The following DDR2 variants were observed in gnomAD, a reference collection of about 807,000 sequenced individuals.
DDR2 encodes discoidin domain-containing receptor 2.
A neutral mutation model predicts 94.9 loss-of-function variants in DDR2; 27 were observed. The ratio of observed to expected loss-of-function variants is 0.28; its 90% CI spans 0.21 to 0.39. The LOEUF (loss-of-function observed/expected upper bound fraction) is 0.39. Among genes scored for constraint, DDR2 ranks in the 10% least tolerant of loss-of-function variants. The pLI, the probability that DDR2 is intolerant of heterozygous loss-of-function variation, is 1.00. For missense variants in DDR2, 783 were observed against 1,076.0 expected, an observed-to-expected ratio of 0.73 and a Z score of 3.81; for synonymous variants, 382 against 377.2, an observed-to-expected ratio of 1.01 and a Z score of -0.15.
chr1:162,654,788 A>G (rs1156913946), intron 1 of DDR2, among the ~76,000 whole-genome samples: 1 of 152,184 alleles, frequency 6.6e-6, no homozygotes, highest in East Asian at 1.9e-4. Flanking sequence ...GTGCCATTGC[A>G]GCACATTGAA....
intron 2 of DDR2, among the ~76,000 whole-genome samples, chr1:162,683,543 A>C (rs4657227): frequency 6.6e-6 from 1 of 151,922 alleles, no homozygotes; most frequent in Non-Finnish European, 1.5e-5. Flanking sequence ...CATACCTATA[A>C]TGAACATGCT....
chr1:162,670,604 A>G (rs1658784350), intron 2 of DDR2, among the ~76,000 whole-genome samples: 1 of 152,240 alleles, frequency 6.6e-6, no homozygotes, highest in Admixed American at 6.5e-5. Context: ...AGCCATGACA[A>G]CAATGATAAA....
In DDR2 at chr1:162,714,421, C is replaced by CTCT. The variant is rs141790645; in HGVS notation, c.-27-4614_-27-4613insTTC. Among the ~76,000 whole-genome samples, 1,160 of 152,088 alleles carry CTCT rather than the reference C, an allele frequency of 7.6e-3. 19 individuals carry two copies. The highest frequency in any genetic ancestry group is 0.035 in the East Asian group (179 of 5,172). ...TATGGTTCCATCTTTACATTTTGGG[C>CTCT]TCATTTTTGTGAGGTGTAGATATAC... On this transcript the variant is annotated intron_variant, in intron 2 of 17. Coordinates refer to ENST00000367921, the MANE Select transcript of DDR2 (RefSeq NM_006182.4).
At chr1:162,688,003 C>T (rs1381891666) in intron 2 of DDR2, among the ~76,000 whole-genome samples, 1 of 152,166 alleles carries the variant, frequency 6.6e-6, no homozygotes, top group Non-Finnish European at 1.5e-5. Flanking sequence ...CAGGCTGACT[C>T]AGTCCAAAGG....
At position 162,780,464 on chromosome 1, in the gene DDR2, A is replaced by T; in HGVS notation, c.*218A>T. On this transcript the variant is annotated 3_prime_UTR_variant, in exon 18 of 18. Transcript: ENST00000367921. ...TAAAGAACTAAAAAAGGAAAAAAAA[A>T]AGCCTAGGGCAGATACAATCTAGTA... 1.7e-6 allele frequency: 1 copy of T among 604,802 alleles called. No individual in the cohort carries two copies. The highest frequency in any genetic ancestry group is 2.8e-6 in the Non-Finnish European group (1 of 359,870). 37.5% of individuals were successfully genotyped at this position (604,802 alleles called of 1,614,324 possible).
chr1:162,726,710 C>T (rs1661685077), intron 3 of DDR2, among the ~76,000 whole-genome samples: 1 of 152,118 alleles, frequency 6.6e-6, no homozygotes, highest in Non-Finnish European at 1.5e-5. Flanking sequence ...TCACAACCAC[C>T]TGCAGAGCTC....
intron 3 of DDR2, among the ~76,000 whole-genome samples, chr1:162,721,503 T>G (rs547013233): frequency 6.6e-6 from 1 of 152,348 alleles, no homozygotes; most frequent in South Asian, 2.1e-4. Context: ...TGAGACATTT[T>G]CATTCATTAT....
rs1663783050 is a variant in DDR2 at position 162,762,275 on chromosome 1, T to C, written c.1099+821T>C. ...TCATTTTACTTGAGCTTCTGTTCTC[T>C]GTCATTCCTAATGACTGGTGCTTAC... On this transcript the variant is annotated intron_variant, in intron 9 of 17. Transcript: ENST00000367921. Among the ~76,000 whole-genome samples, 3 of 152,264 alleles carry C rather than the reference T, an allele frequency of 2.0e-5. No homozygotes were observed. In the South Asian group the frequency reaches 6.2e-4, roughly 31 times the overall value.
In DDR2 at chr1:162,677,808, T is replaced by C. The variant is rs116802532; in HGVS notation, c.-28+22434T>C. On this transcript the variant is annotated intron_variant, in intron 2 of 17. Coordinates refer to ENST00000367921, the MANE Select transcript of DDR2 (RefSeq NM_006182.4). ...GAAGTTATTCTACTTTCTAAACCAC[T>C]TCCCCACCTGCTGGATATGAATGTA... Among the ~76,000 whole-genome samples the C allele has an allele frequency of 3.4e-3, 523 of 152,318 alleles. 1 individual carries two copies. The highest frequency in any genetic ancestry group is 5.7e-3 in the Non-Finnish European group (385 of 68,020).
chr1:162,699,003 T>C (rs1321460418), intron 2 of DDR2, among the ~76,000 whole-genome samples: 1 of 152,214 alleles, frequency 6.6e-6, no homozygotes, highest in East Asian at 1.9e-4. Context: ...AAAATTGGGA[T>C]TGTCTATACT....
chr1:162,708,069 A>G (rs1010894870), intron 2 of DDR2, among the ~76,000 whole-genome samples: 8 of 152,192 alleles, frequency 5.3e-5, no homozygotes, highest in African/African-American at 1.9e-4. Flanking sequence ...GGTTTCAGAG[A>G]AGGTGAGAGG....
intron 16 of DDR2, among the ~76,000 whole-genome samples, chr1:162,777,211 T>A (rs1026585469): frequency 6.6e-5 from 10 of 152,132 alleles, no homozygotes; most frequent in Non-Finnish European, 1.5e-4. Flanking sequence ...TCTTAGAGGA[T>A]TTTTTTCTAT....
chr1:162,698,358 G>T (rs1660283596), intron 2 of DDR2, among the ~76,000 whole-genome samples: 1 of 152,178 alleles, frequency 6.6e-6, no homozygotes, highest in African/African-American at 2.4e-5. Flanking sequence ...AAAGCGCGAG[G>T]GAGGCATGGT....
chr1:162,670,906 G>A (rs1052372360), intron 2 of DDR2, among the ~76,000 whole-genome samples: 8 of 152,176 alleles, frequency 5.3e-5, no homozygotes, highest in Non-Finnish European at 1.2e-4. Context: ...TGGGAGGCCC[G>A]AGGGTGGGAT....
In DDR2 at chr1:162,775,328, T is replaced by A. The variant is rs2102194141; in HGVS notation, c.1857-324T>A. Among the ~76,000 whole-genome samples the A allele has an allele frequency of 1.3e-5, 2 of 151,900 alleles. 1 individual carries two copies. Among genetic ancestry groups the A allele is most frequent in the East Asian group, 3.9e-4 (2 of 5,164 alleles). ...CAGTGAAACATTTTACTCTGTAGAG[T>A]GGTTTTTAGCAGCCTATTTTTGATT... is the stretch of plus-strand genomic sequence containing the variant. On this transcript the variant is annotated intron_variant, in intron 14 of 17. Transcript: ENST00000367921.
rs567184870 is a variant in DDR2 at position 162,645,699 on chromosome 1, G to T, written c.-191-9512G>T. ...CAAATTGTTATTAATAGCTTTGAGG[G>T]TTCATAAGTTCAGGAAAATAAGATC... On this transcript the variant is annotated intron_variant, in intron 1 of 17. Coordinates refer to ENST00000367921, the MANE Select transcript of DDR2 (RefSeq NM_006182.4). Among the ~76,000 whole-genome samples, 12 of 152,220 alleles carry T rather than the reference G, an allele frequency of 7.9e-5. No individual in the cohort carries two copies. In the East Asian group the frequency reaches 2.1e-3, roughly 27 times the overall value.
intron 2 of DDR2, among the ~76,000 whole-genome samples, chr1:162,686,514 A>G (rs962329555): frequency 6.6e-6 from 1 of 152,218 alleles, no homozygotes; most frequent in Non-Finnish European, 1.5e-5. Context: ...GATGGCTTCC[A>G]GCTTCATCCA....
intron 2 of DDR2, among the ~76,000 whole-genome samples, chr1:162,704,771 T>C (rs1571220801): frequency 6.6e-6 from 1 of 152,134 alleles, no homozygotes; most frequent in Non-Finnish European, 1.5e-5. Context: ...AATTTCAATA[T>C]AGGAATTTTG....
In DDR2 at chr1:162,776,254, A is replaced by G. The variant is rs1468834975; in HGVS notation, c.2167A>G (p.Thr723Ala). The change falls in exon 16 of 18, where the codon ACA becomes GCA. Residue 723 changes from threonine (T) to alanine (A), a missense_variant. Transcript: ENST00000367921. ...TRNCLVGKNYTIKIADFGMSR... is the reference protein window; with the variant it reads ...TRNCLVGKNYAIKIADFGMSR... ...AAACTGTTTAGTGGGTAAGAACTAC[A>G]CAATCAAGATAGCTGACTTTGGAAT... 4 of 1,613,936 alleles carry G rather than the reference A, an allele frequency of 2.5e-6. No individual in the cohort carries two copies. Among genetic ancestry groups the G allele is most frequent in the Non-Finnish European group, 3.4e-6 (4 of 1,179,940 alleles).
Sources: gnomAD v4.1 joint callset for allele counts (sites outside exome capture counted in the v4.1 genomes callset) on GRCh38, gnomAD v4.1.1 for gene constraint, MANE v1.5 for transcripts, NCBI Gene and HGNC (gene_info 2026-07-23, HGNC 2026-07-21) for gene names.